DYNC2LI1: variants seen among roughly 807,000 people sequenced by gnomAD.
DYNC2LI1 encodes dynein cytoplasmic 2 light intermediate chain 1, also known as cytoplasmic dynein 2 light intermediate chain 1.
Under a neutral mutation model 51.9 loss-of-function variants are expected in DYNC2LI1, and 45 were observed. The ratio of observed to expected loss-of-function variants is 0.87; its 90% CI spans 0.68 to 1.11. The LOEUF is 1.11. DYNC2LI1 is among the 50% of genes most tolerant of loss of function. The probability of loss-of-function intolerance (pLI) is 0.00; values close to 1 mark genes in which losing one functional copy is unlikely to be tolerated. For missense variants in DYNC2LI1, 490 were observed against 417.4 expected (o/e 1.17, Z -1.51); for synonymous variants, 130 against 137.8 (o/e 0.94, Z 0.40).
the DYNC2LI1 span, among the ~76,000 whole-genome samples, chr2:43,821,793 C>T: frequency 6.6e-6 from 1 of 152,086 alleles, no homozygotes; most frequent in Non-Finnish European, 1.5e-5. Context: ...ATCTCTCTCC[C>T]CAGTGCTCAG....
intron 10 of DYNC2LI1, among the ~76,000 whole-genome samples, chr2:43,804,095 A>G (rs977210472): frequency 2.0e-5 from 3 of 152,130 alleles, no homozygotes; most frequent in Non-Finnish European, 4.4e-5. Flanking sequence ...AATATACCCT[A>G]TTATTCAGTA....
In DYNC2LI1 at chr2:43,776,178, C is replaced by G. The variant is rs538341520; in HGVS notation, c.9-604C>G. On this transcript the variant is annotated intron_variant, in intron 1 of 12. Transcript: ENST00000260605. ...TTAGGTATTTCTCCTAATGCTATCC[C>G]TCCCCCATGCTAATTTATTAGTAGT... Among the ~76,000 whole-genome samples, 28 of 152,144 alleles carry G rather than the reference C, an allele frequency of 1.8e-4. No individual in the cohort carries two copies. In the South Asian group the frequency reaches 5.6e-3, roughly 30 times the overall value.
the DYNC2LI1 span, among the ~76,000 whole-genome samples, chr2:43,815,222 A>G: frequency 2.0e-5 from 3 of 152,310 alleles, no homozygotes; most frequent in East Asian, 1.9e-4. Flanking sequence ...TCTCCAATCT[A>G]TTTCAGGTGA....
intron 12 of DYNC2LI1, among the ~76,000 whole-genome samples, chr2:43,808,997 A>G (rs957985875): frequency 6.8e-6 from 1 of 146,420 alleles, no homozygotes; most frequent in African/African-American, 2.6e-5. Flanking sequence ...ACACACACAC[A>G]CACTTTTTTG....
chr2:43,783,621 T>C, intron 3 of DYNC2LI1, 67 bp downstream of exon 3: 2 of 1,028,340 alleles, frequency 1.9e-6, no homozygotes, highest in Non-Finnish European at 2.8e-6. Context: ...AAGTTAGCTC[T>C]AAAAGACATA....
chr2:43,795,841 C>T (rs1382797188), intron 6 of DYNC2LI1, 49 bp from the exon 7 acceptor site: 1 of 1,427,530 alleles, frequency 7.0e-7, no homozygotes, highest in African/African-American at 1.4e-5. Context: ...TTGCTAAGCA[C>T]CTAGCAATAA....
chr2:43,828,075 G>A, the DYNC2LI1 span: 20 of 1,613,986 alleles, frequency 1.2e-5, no homozygotes, highest in African/African-American at 2.7e-5. Flanking sequence ...CAGTCGGTCT[G>A]CCACATGGCT....
At chr2:43,802,380 T>G (rs975503776) in intron 10 of DYNC2LI1, among the ~76,000 whole-genome samples, 7 of 151,890 alleles carry the variant, frequency 4.6e-5, no homozygotes, top group South Asian at 2.1e-4. Context: ...TAGGGTTTTT[T>G]TTTTTTTTTT....
At position 43,776,180 on chromosome 2, in the gene DYNC2LI1, C is replaced by T. The variant is rs1186233229; in HGVS notation, c.9-602C>T. ...AGGTATTTCTCCTAATGCTATCCCTCCCCCATGCTAATTTATTAGTAGTAG... is the reference window on the plus strand; with the variant it reads ...AGGTATTTCTCCTAATGCTATCCCTTCCCCATGCTAATTTATTAGTAGTAG... On this transcript the variant is annotated intron_variant, in intron 1 of 12. Transcript: ENST00000260605. Among the ~76,000 whole-genome samples, 3 of 151,998 alleles carry T rather than the reference C, an allele frequency of 2.0e-5. No individual in the cohort carries two copies. In the East Asian group the frequency reaches 5.8e-4, roughly 29 times the overall value.
the DYNC2LI1 span, among the ~76,000 whole-genome samples, chr2:43,816,955 T>G: frequency 9.8e-5 from 15 of 152,316 alleles, no homozygotes; most frequent in African/African-American, 3.6e-4. Context: ...GCTAATTTCC[T>G]TTGTGTTTAA....
chr2:43,795,859 C>G, intron 6 of DYNC2LI1, 31 bp from the exon 7 acceptor site: 2 of 1,572,636 alleles, frequency 1.3e-6, no homozygotes, highest in East Asian at 2.2e-5. Context: ...TAAAGAATTA[C>G]AACAACTCAA....
chr2:43,787,399 T>C (rs1387554017), intron 4 of DYNC2LI1, 149 bp downstream of exon 4: 2 of 626,294 alleles, frequency 3.2e-6, no homozygotes, highest in African/African-American at 3.7e-5. Context: ...TCAAATGCAG[T>C]GTGGCAGATA....
intron 10 of DYNC2LI1, 72 bp downstream of exon 10, chr2:43,801,781 T>G: frequency 8.7e-7 from 1 of 1,154,946 alleles, no homozygotes; most frequent in Non-Finnish European, 1.3e-6. Flanking sequence ...CCATGTTCAC[T>G]TTGTCTCCAA....
chr2:43,787,641 A>C (rs776708687), intron 4 of DYNC2LI1, among the ~76,000 whole-genome samples: 1 of 152,142 alleles, frequency 6.6e-6, no homozygotes, highest in East Asian at 1.9e-4. Context: ...CTTGAAGTTG[A>C]TAGTACTAGT....
chr2:43,818,261 T>C, the DYNC2LI1 span, among the ~76,000 whole-genome samples: 3 of 152,134 alleles, frequency 2.0e-5, no homozygotes, highest in African/African-American at 7.2e-5. Flanking sequence ...CTGGCCAACA[T>C]GGCGAAACCC....
intron 5 of DYNC2LI1, chr2:43,794,083 A>G (rs17031565): frequency 0.029 from 5,381 of 184,070 alleles, 235 homozygotes; most frequent in African/African-American, 0.1. Context: ...TTACCTGATT[A>G]TTGTGTTACT....
rs750299666 is a variant in DYNC2LI1 at position 43,776,787 on chromosome 2, C to G, written c.14C>G (p.Thr5Ser). The G allele has an allele frequency of 4.5e-5, 70 of 1,563,062 alleles. No individual in the cohort carries two copies. In the Admixed American group the frequency reaches 1.0e-3, roughly 23 times the overall value. Residue 5 changes from threonine to serine, a missense_variant, in exon 2 of 13, where the codon ACT (threonine) becomes AGT (serine). Transcript: ENST00000260605. ...TTTTTCTGCCTCTCATGTAGTGAAACTCTCTGGGAAATTGCAAAAGCTGAA... is the reference window on the plus strand; with the variant it reads ...TTTTTCTGCCTCTCATGTAGTGAAAGTCTCTGGGAAATTGCAAAAGCTGAA... MPSE[T>S]LWEIAKAEVE...
chr2:43,822,476 A>ACCC, the DYNC2LI1 span: 11 of 298,814 alleles, frequency 3.7e-5, no homozygotes, highest in Middle Eastern at 1.9e-3. Flanking sequence ...CCCCTCCCCC[A>ACCC]GGCCCCCCCC....
At chr2:43,824,134 C>T in the DYNC2LI1 span, 3 of 1,614,150 alleles carry the variant, frequency 1.9e-6, no homozygotes, top group East Asian at 2.2e-5. Flanking sequence ...AACAAACAAC[C>T]CTGTTTTAAT....
Sources: gnomAD v4.1 joint callset for allele counts (sites outside exome capture counted in the v4.1 genomes callset) on GRCh38, gnomAD v4.1.1 for gene constraint, MANE v1.5 for transcripts, NCBI Gene and HGNC (gene_info 2026-07-23, HGNC 2026-07-21) for gene names.